CNTNAP5: variants seen among roughly 807,000 people sequenced by gnomAD.
CNTNAP5 encodes contactin-associated protein-like 5.
In CNTNAP5, 72 loss-of-function variants were observed where a neutral mutation model predicts 150.2. The observed-to-expected ratio is 0.48, with a 90% confidence interval of 0.40 to 0.58. CNTNAP5 has a LOEUF of 0.58. Ranked by LOEUF, CNTNAP5 falls within the 20% of genes least tolerant of loss-of-function variation. The pLI is 0.00. For synonymous variants in CNTNAP5, 672 were observed against 619.8 expected (o/e 1.08, Z -1.25); for missense variants, 1,636 against 1,626.2 (o/e 1.01, Z -0.10).
intron 1 of CNTNAP5, among the ~76,000 whole-genome samples, chr2:124,061,153 TCCTC>T (rs1013873122): frequency 9.2e-5 from 14 of 152,242 alleles, no homozygotes; most frequent in African/African-American, 3.4e-4. Flanking sequence ...CATCATGAGA[TCCTC>T]CCTGTGCCCC....
chr2:124,202,844 A>G (rs13399760), intron 1 of CNTNAP5, among the ~76,000 whole-genome samples: 47,476 of 151,944 alleles, frequency 0.31, 7,556 homozygotes, highest in South Asian at 0.48. Context: ...CTCCTATAAC[A>G]CATGGGAATT....
At chr2:124,637,146 T>C (rs969258783) in intron 12 of CNTNAP5, among the ~76,000 whole-genome samples, 1 of 152,182 alleles carries the variant, frequency 6.6e-6, no homozygotes, top group Non-Finnish European at 1.5e-5. Context: ...ACAATGTGTT[T>C]TATAGCAGTG....
rs560225461 is a variant in CNTNAP5 at position 124,557,120 on chromosome 2, C to A, written c.1650-6097C>A. ...TACTTAAGCAATAAAGTTGTTAGGG[C>A]CCAAAAATACAGCTCAATGGACATA... is the stretch of plus-strand genomic sequence containing the variant. On this transcript the variant is annotated intron_variant, in intron 10 of 23. Coordinates refer to ENST00000682447, the MANE Select transcript of CNTNAP5 (RefSeq NM_001367498.1). Among the ~76,000 whole-genome samples the A allele has an allele frequency of 1.9e-4, 29 of 151,982 alleles. 1 individual carries two copies. The East Asian group carries it at 5.6e-3, about 29-fold the overall frequency.
In CNTNAP5 at chr2:124,412,802, T is replaced by A. The variant is rs1376882430; in HGVS notation, c.382-4641T>A. Among the ~76,000 whole-genome samples, 234 of 94,744 alleles carry A rather than the reference T, an allele frequency of 2.5e-3. 1 individual carries two copies. The highest frequency in any genetic ancestry group is 9.4e-3 in the African/African-American group (216 of 23,060). 62.2% of individuals were successfully genotyped at this position (94,744 alleles called of 152,430 possible). On this transcript the variant is annotated intron_variant, in intron 3 of 23. Coordinates refer to ENST00000682447, the MANE Select transcript of CNTNAP5 (RefSeq NM_001367498.1). ...CTAGAAGAAAACCTAGGCATTACCA[T>A]TCAGGACATAGGCATGGGCAAGGAC...
At chr2:124,442,633 T>C (rs752359730) in intron 5 of CNTNAP5, among the ~76,000 whole-genome samples, 13 of 152,106 alleles carry the variant, frequency 8.5e-5, no homozygotes, top group Non-Finnish European at 7.4e-5. Flanking sequence ...TTTTAAACTA[T>C]TATACAAATC....
intron 1 of CNTNAP5, among the ~76,000 whole-genome samples, chr2:124,126,557 T>G (rs1573773447): frequency 6.6e-6 from 1 of 152,300 alleles, no homozygotes; most frequent in East Asian, 1.9e-4. Context: ...TAACTCATTT[T>G]ATGAGGCCAG....
rs114509217 is a variant in CNTNAP5, at chr2:124,301,618, T to A, written c.381+59225T>A. 3.1e-3 allele frequency among the ~76,000 whole-genome samples: 473 copies of A among 152,340 alleles called. 2 individuals carry two copies. Among genetic ancestry groups the A allele is most frequent in the African/African-American group, 0.011 (447 of 41,578 alleles). On this transcript the variant is annotated intron_variant, in intron 3 of 23. Transcript: ENST00000682447. ...GGACACACTCATATCCCATTCACTG[T>A]GTACTTCCTAAAACCTCATTCCCAA...
rs776205045 is a variant in CNTNAP5, at chr2:124,419,896, TTTTCTTTCTTTC to T, written c.529+2355_529+2366del. On this transcript the variant is annotated intron_variant, in intron 4 of 23. Transcript: ENST00000682447. ...CATGTTTTTTATTTGACTGGATTGG[TTTTCTTTCTTTC>T]TTTCTTTCTTTCTTTCTTTCTTTCT... 5.6e-3 allele frequency among the ~76,000 whole-genome samples: 476 copies of T among 85,208 alleles called. 12 individuals carry two copies. Among genetic ancestry groups the T allele is most frequent in the African/African-American group, 0.011 (229 of 20,980 alleles). The allele number at this position is 85,208 out of a possible 152,430, so 55.9% of individuals were successfully genotyped here.
chr2:124,558,513 C>T (rs1386880274), intron 10 of CNTNAP5, among the ~76,000 whole-genome samples: 1 of 152,152 alleles, frequency 6.6e-6, no homozygotes, highest in East Asian at 1.9e-4. Flanking sequence ...GAAGACTGAA[C>T]TCAGATCTAA....
In CNTNAP5 at chr2:124,591,340, A is replaced by T. The variant is rs140915378; in HGVS notation, c.1757-18461A>T. On this transcript the variant is annotated intron_variant, in intron 11 of 23. Transcript: ENST00000682447. Reference sequence around the variant, plus strand: ...TAAGATGTAGCAAGTCATTTCATATACAGTGGATGGTAATCTCTGTCTTGA... The same window carrying T: ...TAAGATGTAGCAAGTCATTTCATATTCAGTGGATGGTAATCTCTGTCTTGA... Among the ~76,000 whole-genome samples the T allele has an allele frequency of 2.7e-3, 405 of 152,154 alleles. 3 individuals carry two copies. Among genetic ancestry groups the T allele is most frequent in the African/African-American group, 9.5e-3 (395 of 41,452 alleles).
intron 12 of CNTNAP5, among the ~76,000 whole-genome samples, chr2:124,635,723 T>C (rs968382312): frequency 6.6e-6 from 1 of 152,192 alleles, no homozygotes; most frequent in Non-Finnish European, 1.5e-5. Context: ...AAAGTAAGTC[T>C]AGACATTCCA....
At chr2:124,627,939 G>A (rs1018005457) in intron 12 of CNTNAP5, among the ~76,000 whole-genome samples, 6 of 152,118 alleles carry the variant, frequency 3.9e-5, no homozygotes, top group African/African-American at 9.7e-5. Context: ...ATCAATAGCC[G>A]AACTGACCAA....
intron 6 of CNTNAP5, among the ~76,000 whole-genome samples, chr2:124,473,298 TCTAA>T (rs1334258236): frequency 1.3e-5 from 2 of 151,904 alleles, no homozygotes; most frequent in African/African-American, 4.8e-5. Flanking sequence ...TCCATTCTTC[TCTAA>T]CTAAATGTTT....
rs556058926 is a variant in CNTNAP5, at chr2:124,915,881, C to T, written c.*1593C>T. 6.6e-6 allele frequency among the ~76,000 whole-genome samples: 1 copy of T among 152,144 alleles called. No individual in the cohort carries two copies. The highest frequency in any genetic ancestry group is 1.5e-5 in the Non-Finnish European group (1 of 67,958). On this transcript the variant is annotated 3_prime_UTR_variant, in exon 24 of 24. Coordinates refer to ENST00000682447, the MANE Select transcript of CNTNAP5 (RefSeq NM_001367498.1). ...TAAATGCTCCAAGATAGTGGAAATG[C>T]TCATGTAATGATTCTTAGGTGTGGA...
chr2:124,482,040 T>TA (rs1300082379), intron 7 of CNTNAP5, among the ~76,000 whole-genome samples: 2 of 152,178 alleles, frequency 1.3e-5, no homozygotes, highest in Admixed American at 6.5e-5. Flanking sequence ...AAGTGCTTTT[T>TA]AAAAAAACGG....
At chr2:124,623,774 G>C (rs139566371) in intron 12 of CNTNAP5, among the ~76,000 whole-genome samples, 1 of 152,268 alleles carries the variant, frequency 6.6e-6, no homozygotes, top group Non-Finnish European at 1.5e-5. Flanking sequence ...TGAGTCCCCT[G>C]GTGGCACAAG....
chr2:124,452,512 C>T (rs1204409655), intron 6 of CNTNAP5, among the ~76,000 whole-genome samples: 1 of 152,126 alleles, frequency 6.6e-6, no homozygotes, highest in Non-Finnish European at 1.5e-5. Flanking sequence ...GGGCCCTGGC[C>T]ACCACCTGTT....
At chr2:124,524,897 C>T (rs1694930362) in intron 9 of CNTNAP5, among the ~76,000 whole-genome samples, 1 of 152,298 alleles carries the variant, frequency 6.6e-6, no homozygotes, top group Non-Finnish European at 1.5e-5. Context: ...ACTTTCCTCT[C>T]TTAGTCTCCT....
chr2:124,878,934 C>T (rs747951566), intron 21 of CNTNAP5, among the ~76,000 whole-genome samples: 4 of 151,998 alleles, frequency 2.6e-5, no homozygotes, highest in African/African-American at 9.7e-5. Context: ...CTGCCCATCT[C>T]GGCCTCCCAA....
Sources: gnomAD v4.1 joint callset for allele counts (sites outside exome capture counted in the v4.1 genomes callset) on GRCh38, gnomAD v4.1.1 for gene constraint, MANE v1.5 for transcripts, NCBI Gene and HGNC (gene_info 2026-07-23, HGNC 2026-07-21) for gene names.